TTC16: variants seen among roughly 807,000 people sequenced by gnomAD.
The protein encoded by TTC16 is tetratricopeptide repeat protein 16.
TTC16 carries 66 observed loss-of-function variants against 80.4 expected under a neutral mutation model. That is an observed-to-expected ratio of 0.82 (90% CI 0.67 to 1.01). TTC16 has a LOEUF of 1.01. TTC16 is among the 50% of genes least tolerant of loss of function. The pLI is 0.00. For missense variants in TTC16, 1,070 were observed against 1,103.2 expected, an observed-to-expected ratio of 0.97 and a Z score of 0.43; for synonymous variants, 438 against 451.3, an observed-to-expected ratio of 0.97 and a Z score of 0.37.
At chr9:127,724,443 G>T in intron 8 of TTC16, 79 bp downstream of exon 8, 1 of 1,538,860 alleles carries the variant, frequency 6.5e-7, no homozygotes, top group Non-Finnish European at 8.8e-7. Context: ...GGGCACTTGA[G>T]GCCCCTGGGG....
chr9:127,726,375 G>T lies in TTC16; in HGVS notation c.1396G>T (p.Val466Phe). Residue 466 changes from valine (V) to phenylalanine (F), a missense_variant, in exon 10 of 14, where the codon GTC becomes TTC. Coordinates refer to ENST00000373289, the MANE Select transcript of TTC16 (RefSeq NM_144965.3). ...IFGARQDVATVLLLNPKQPKL... is the reference protein window; with the variant it reads ...IFGARQDVATFLLLNPKQPKL... Reference sequence around the variant, plus strand: ...TGGGGCCCGCCAGGATGTGGCCACTGTCCTGCTCCTCAACCCCAAGCAACC... The same window carrying T: ...TGGGGCCCGCCAGGATGTGGCCACTTTCCTGCTCCTCAACCCCAAGCAACC... 3 of 1,609,496 alleles carry T rather than the reference G, an allele frequency of 1.9e-6. No individual in the cohort carries two copies. The highest frequency in any genetic ancestry group is 2.5e-6 in the Non-Finnish European group (3 of 1,177,754).
chr9:127,731,281 G>T lies in TTC16; in HGVS notation c.2498G>T (p.Gly833Val). The T allele has an allele frequency of 1.2e-6, 2 of 1,613,240 alleles. No homozygotes were observed. Among genetic ancestry groups the T allele is most frequent in the Non-Finnish European group, 1.7e-6 (2 of 1,180,032 alleles). The change falls in exon 14 of 14, where the codon GGT becomes GTT. Residue 833 changes from glycine (G) to valine (V), a missense_variant. Coordinates refer to ENST00000373289, the MANE Select transcript of TTC16 (RefSeq NM_144965.3). The stretch of plus-strand genomic sequence containing the variant: ...GGCCAGAGGTCCAGCAAGGCTGAGG[G>T]TGCCCAGGGCAAGAGCCAGGGCATG... ...GQGQRSSKAE[G>V]AQGKSQGMSS... is the part of the protein sequence containing the mutation.
rs748790166 is a variant in TTC16 at position 127,724,323 on chromosome 9, G to A, written c.1076G>A (p.Arg359Gln). The change falls in exon 8 of 14, where the codon CGG becomes CAG. Residue 359 changes from arginine to glutamine, a missense_variant. Arg to Gln is a conservative substitution (Grantham distance 43). Coordinates refer to ENST00000373289, the MANE Select transcript of TTC16 (RefSeq NM_144965.3). ...EGVLLLNKAL[R>Q]DEQQEKGLYI... ...GTGCTGCTGCTGAACAAGGCCCTCC[G>A]GGACGAGCAGCAGGAGAAAGGACTC... 1.3e-5 allele frequency: 21 copies of A among 1,612,800 alleles called. No individual in the cohort carries two copies. Among genetic ancestry groups the A allele is most frequent in the African/African-American group, 4.0e-5 (3 of 74,934 alleles).
At chr9:127,724,411 C>G in intron 8 of TTC16, 47 bp downstream of exon 8, 5 of 1,602,172 alleles carry the variant, frequency 3.1e-6, no homozygotes, top group Non-Finnish European at 4.3e-6. Context: ...GGGGGAGCCT[C>G]GCCATCTCTA....
chr9:127,718,150 C>T lies in TTC16; in HGVS notation c.426+378C>T, dbSNP rs765987137. 3.0e-4 allele frequency among the ~76,000 whole-genome samples: 45 copies of T among 152,076 alleles called. 2 individuals carry two copies. The highest frequency in any genetic ancestry group is 1.3e-4 in the Non-Finnish European group (9 of 68,022). ...TCACCCAGGCTGCAGTGCAGTGGCA[C>T]GATCTCGGCTCACTGCAACCTCTGT... is the stretch of plus-strand genomic sequence containing the variant. On this transcript the variant is annotated intron_variant, in intron 4 of 13. Coordinates refer to ENST00000373289, the MANE Select transcript of TTC16 (RefSeq NM_144965.3). The surrounding 1 kb of genome is among the most constrained non-coding windows in gnomAD (Gnocchi z 4.6).
chr9:127,725,526 T>G (rs1843874869), intron 9 of TTC16, among the ~76,000 whole-genome samples: 1 of 113,078 alleles, frequency 8.8e-6, no homozygotes, highest in African/African-American at 3.4e-5. Context: ...ATCAAGCCAC[T>G]GCACTCCAGC....
intron 7 of TTC16, 132 bp downstream of exon 7, chr9:127,723,465 C>T: frequency 1.2e-6 from 1 of 864,546 alleles, no homozygotes. Context: ...TCTTTCCCTA[C>T]TTCCTACTGG....
Position 127,726,903 on chromosome 9 carries a change from G to A in TTC16, c.1426-67G>A, listed in dbSNP as rs1383414971. 8 of 1,604,142 alleles carry A rather than the reference G, an allele frequency of 5.0e-6. No individual in the cohort carries two copies. The African/African-American group carries it at 5.3e-5, about 11-fold the overall frequency. On this transcript the variant is annotated intron_variant, in intron 10 of 13. Transcript: ENST00000373289. ...CCAAATCTGGCTGTGCAGGGTCAGGGCAGCATCGTGCTGTCTGTCTGCTGC... is the reference window on the plus strand; with the variant it reads ...CCAAATCTGGCTGTGCAGGGTCAGGACAGCATCGTGCTGTCTGTCTGCTGC...
Position 127,726,950 on chromosome 9 carries a change from G to T in TTC16, c.1426-20G>T. 1 of 1,613,098 alleles carries T rather than the reference G, an allele frequency of 6.2e-7. No individual in the cohort carries two copies. The highest frequency in any genetic ancestry group is 8.5e-7 in the Non-Finnish European group (1 of 1,179,978). ...CTGCTCTGGCCCTCACCTGGCTCTG[G>T]TCACCCCCTTTCGTGGCAGCTGTCC... On this transcript the variant is annotated intron_variant, in intron 10 of 13. Coordinates refer to ENST00000373289, the MANE Select transcript of TTC16 (RefSeq NM_144965.3).
Position 127,729,737 on chromosome 9 carries a change from G to A in TTC16, c.1852+69G>A, listed in dbSNP as rs972745566. 1.4e-5 allele frequency: 21 copies of A among 1,455,152 alleles called. No individual in the cohort carries two copies. The African/African-American group carries it at 2.5e-4, about 17-fold the overall frequency. 90.1% of individuals were successfully genotyped at this position (1,455,152 alleles called of 1,614,324 possible). Reference sequence around the variant, plus strand: ...GCAGGGTAGTCAAAGCTCAGGGGTCGAAGACCGCTGGCCTAGGTGTGCGTT... The same window carrying A: ...GCAGGGTAGTCAAAGCTCAGGGGTCAAAGACCGCTGGCCTAGGTGTGCGTT... On this transcript the variant is annotated intron_variant, in intron 13 of 13. Coordinates refer to ENST00000373289, the MANE Select transcript of TTC16 (RefSeq NM_144965.3).
chr9:127,726,806 A>C (rs144422073), intron 10 of TTC16, among the ~76,000 whole-genome samples, 164 bp from the exon 11 acceptor site: 3 of 21,314 alleles, frequency 1.4e-4, no homozygotes, highest in South Asian at 1.8e-3. Context: ...AAAAAAAAAA[A>C]AAAAAAAAAA....
At chr9:127,717,839 C>T in intron 4 of TTC16, 67 bp downstream of exon 4, 1 of 1,543,116 alleles carries the variant, frequency 6.5e-7, no homozygotes, top group Non-Finnish European at 8.7e-7. Flanking sequence ...CTCCTGGCTC[C>T]TGGGCCCAGC....
intron 7 of TTC16, among the ~76,000 whole-genome samples, chr9:127,723,584 T>G (rs529466400): frequency 3.9e-5 from 6 of 152,348 alleles, no homozygotes; most frequent in Non-Finnish European, 7.3e-5. Flanking sequence ...CAGTTCACGC[T>G]GGGCGCTGAG....
chr9:127,726,787 C>CAAAAAAAAAAAA (rs55676226), intron 10 of TTC16, among the ~76,000 whole-genome samples, 183 bp from the exon 11 acceptor site: 1 of 127,842 alleles, frequency 7.8e-6, no homozygotes, highest in Non-Finnish European at 1.8e-5. Context: ...GACTCTGTCT[C>CAAAAAAAAAAAA]AAAAAAAAAA....
In TTC16 at chr9:127,727,057, C is replaced by G; in HGVS notation, c.1513C>G (p.Leu505Val). The G allele has an allele frequency of 6.2e-7, 1 of 1,612,108 alleles. No homozygotes were observed. Among genetic ancestry groups the G allele is most frequent in the Non-Finnish European group, 8.5e-7 (1 of 1,179,746 alleles). Reference protein sequence around the residue: ...TQIAHLARLQLEQMVEGSLQA... With the variant: ...TQIAHLARLQVEQMVEGSLQA... ...GATAGCCCACCTGGCCAGGCTGCAG[C>G]TGGAGCAGATGGTGGAGGGCAGCCT... is the stretch of plus-strand genomic sequence containing the variant. Residue 505 changes from leucine (L) to valine (V), a missense_variant, in exon 11 of 14, where the codon CTG becomes GTG. Transcript: ENST00000373289.
At chr9:127,729,548 C>T in intron 12 of TTC16, 33 bp from the exon 13 acceptor site, 3 of 1,591,832 alleles carry the variant, frequency 1.9e-6, no homozygotes, top group Non-Finnish European at 2.6e-6. Context: ...GGCCTCCTAC[C>T]ATCTGAACTA....
In TTC16 at chr9:127,731,238, G is replaced by A. The variant is rs780269705; in HGVS notation, c.2455G>A (p.Glu819Lys). The change falls in exon 14 of 14, where the codon GAG becomes AAG. Residue 819 changes from glutamate (E) to lysine (K), a missense_variant. Transcript: ENST00000373289. ...YDSNWSLSKT[E>K]YAQGQGQRSS... is the part of the protein sequence containing the mutation. The stretch of plus-strand genomic sequence containing the variant: ...CTCAAACTGGAGCCTCAGCAAAACT[G>A]AGTATGCCCAAGGCCAGGGCCAGAG... 6.2e-6 allele frequency: 10 copies of A among 1,612,720 alleles called. No homozygotes were observed. The South Asian group carries it at 7.7e-5, about 12-fold the overall frequency.
Position 127,730,877 on chromosome 9 carries a change from C to G in TTC16, c.2094C>G (p.Thr698=). The change falls in exon 14 of 14, where the codon ACC becomes ACG. Residue 698 remains threonine, a synonymous_variant. Transcript: ENST00000373289. ...GCCAGAGGCGGAACTCCAGCAAGAC[C>G]AAGGCCACTATACACAAGAGGAACT... ...TQSQRRNSSK[T]KATIHKRNSS... 6.2e-7 allele frequency: 1 copy of G among 1,613,360 alleles called. No homozygotes were observed.
rs762563602 is a variant in TTC16 at position 127,724,390 on chromosome 9, A to AG, written c.1117+33dup. On this transcript the variant is annotated intron_variant, in intron 8 of 13. Transcript: ENST00000373289. ...GTGCGCAGCGACCAGGGCACTGGGG[A>AG]GGGGGGGTGCGGGGGAGCCTCGCCA... is the stretch of plus-strand genomic sequence containing the variant. 4.0e-5 allele frequency: 37 copies of AG among 924,734 alleles called. No individual in the cohort carries two copies. In the African/African-American group the frequency reaches 4.3e-4, roughly 11 times the overall value. 57.3% of individuals were successfully genotyped at this position (924,734 alleles called of 1,614,324 possible).
Sources: gnomAD v4.1 joint callset for allele counts (sites outside exome capture counted in the v4.1 genomes callset) on GRCh38, gnomAD v4.1.1 for gene constraint, Gnocchi (gnomAD v3.1) non-coding constraint, MANE v1.5 for transcripts, NCBI Gene and HGNC (gene_info 2026-07-23, HGNC 2026-07-21) for gene names.